GAREM1: variants seen among roughly 807,000 people sequenced by gnomAD.
The protein encoded by GAREM1 is GRB2 associated regulator of MAPK1 subtype 1, also known as GRB2-associated and regulator of MAPK protein 1.
A neutral mutation model predicts 71.3 loss-of-function variants in GAREM1; 26 were observed. That is an observed-to-expected ratio of 0.36 (90% CI 0.27 to 0.51). The LOEUF is 0.51. Ranked by LOEUF, GAREM1 falls within the 20% of genes least tolerant of loss-of-function variation. GAREM1 has a pLI of 0.95. For synonymous variants in GAREM1, 440 were observed against 433.2 expected (o/e 1.02, Z -0.20); for missense variants, 1,026 against 1,103.1 (o/e 0.93, Z 0.99).
At chr18:32,416,113 C>A (rs1451733247) in intron 1 of GAREM1, among the ~76,000 whole-genome samples, 3 of 151,948 alleles carry the variant, frequency 2.0e-5, no homozygotes, top group African/African-American at 7.2e-5. Flanking sequence ...AAAAAGCGAT[C>A]ACTTACAATA....
chr18:32,354,544 T>G (rs1458932381), intron 2 of GAREM1, among the ~76,000 whole-genome samples: 1 of 152,142 alleles, frequency 6.6e-6, no homozygotes, highest in African/African-American at 2.4e-5. Context: ...AACAACACAT[T>G]GAAGCTAGGA....
chr18:32,382,592 C>G (rs141486074), intron 2 of GAREM1, among the ~76,000 whole-genome samples: 13 of 152,230 alleles, frequency 8.5e-5, no homozygotes, highest in African/African-American at 2.9e-4. Context: ...AGAGTTTATA[C>G]TCACGTGGGA....
At chr18:32,402,586 A>C (rs955311080) in intron 1 of GAREM1, among the ~76,000 whole-genome samples, 1 of 152,054 alleles carries the variant, frequency 6.6e-6, no homozygotes, top group East Asian at 1.9e-4. Flanking sequence ...GACATTTGCC[A>C]TAACTGTAGG....
intron 1 of GAREM1, among the ~76,000 whole-genome samples, chr18:32,408,063 T>A (rs1389872370): frequency 6.6e-6 from 1 of 152,036 alleles, no homozygotes; most frequent in Admixed American, 6.6e-5. Context: ...AGATTGTAAA[T>A]TTTGAAAAAG....
At chr18:32,421,202 C>T (rs77082591) in intron 1 of GAREM1, among the ~76,000 whole-genome samples, 1,830 of 152,282 alleles carry the variant, frequency 0.012, 48 homozygotes, top group African/African-American at 0.042. Context: ...ATAATAGTGT[C>T]TACTTTGTAA....
chr18:32,337,910 C>T (rs1227902271), intron 2 of GAREM1, among the ~76,000 whole-genome samples: 1 of 152,184 alleles, frequency 6.6e-6, no homozygotes, highest in African/African-American at 2.4e-5. Context: ...TTTTGAACTT[C>T]CTTGGTTGAA....
intron 2 of GAREM1, among the ~76,000 whole-genome samples, chr18:32,331,147 A>G (rs2047531576): frequency 1.3e-5 from 2 of 152,142 alleles, no homozygotes; most frequent in South Asian, 4.1e-4. Context: ...TTTGGTGGGT[A>G]GCAACAGTTT....
intron 3 of GAREM1, among the ~76,000 whole-genome samples, chr18:32,307,022 A>C (rs1380065752): frequency 1.3e-5 from 2 of 152,236 alleles, no homozygotes; most frequent in South Asian, 2.1e-4. Flanking sequence ...TTTTTCAACA[A>C]ATGTATAAAT....
At chr18:32,322,979 G>A (rs1228273225) in intron 2 of GAREM1, among the ~76,000 whole-genome samples, 1 of 152,188 alleles carries the variant, frequency 6.6e-6, no homozygotes, top group Non-Finnish European at 1.5e-5. Flanking sequence ...GGTGTTTAGA[G>A]CAGGAGAAAT....
At chr18:32,270,460 G>A in intron 4 of GAREM1, 77 bp from the exon 5 acceptor site, 1 of 1,284,750 alleles carries the variant, frequency 7.8e-7, no homozygotes, top group Non-Finnish European at 1.1e-6. Flanking sequence ...CTGAAGACTT[G>A]CTCAAGTCAC....
In GAREM1 at chr18:32,343,733, C is replaced by T. The variant is rs74652467; in HGVS notation, c.263-33410G>A. 1.2e-3 allele frequency among the ~76,000 whole-genome samples: 190 copies of T among 152,318 alleles called. 6 individuals carry two copies. In the East Asian group the frequency reaches 0.029, roughly 23 times the overall value. On this transcript the variant is annotated intron_variant, in intron 2 of 5. Transcript: ENST00000269209. ...GTATAACATTTTACCATTTGCCTAACATGCACTTACGGCAACTTCATAGGA... is the reference window on the plus strand; with the variant it reads ...GTATAACATTTTACCATTTGCCTAATATGCACTTACGGCAACTTCATAGGA...
intron 1 of GAREM1, among the ~76,000 whole-genome samples, chr18:32,456,859 T>C (rs2048894790): frequency 6.6e-6 from 1 of 152,160 alleles, no homozygotes; most frequent in South Asian, 2.1e-4. Context: ...GCAGTTGTTA[T>C]GAATTTCAAT....
At chr18:32,379,204 G>A (rs1369239965) in intron 2 of GAREM1, among the ~76,000 whole-genome samples, 2 of 152,046 alleles carry the variant, frequency 1.3e-5, no homozygotes, top group Non-Finnish European at 2.9e-5. Flanking sequence ...TGCTCCCAGA[G>A]TACTTACTAT....
At chr18:32,349,354 G>A (rs1454144116) in intron 2 of GAREM1, among the ~76,000 whole-genome samples, 3 of 152,112 alleles carry the variant, frequency 2.0e-5, no homozygotes, top group Admixed American at 2.0e-4. Context: ...CTCTAAATAA[G>A]TTTCAAAAAC....
At chr18:32,434,138 T>C (rs1386876579) in intron 1 of GAREM1, among the ~76,000 whole-genome samples, 1 of 152,142 alleles carries the variant, frequency 6.6e-6, no homozygotes, top group African/African-American at 2.4e-5. Context: ...CAATCAGTTT[T>C]TGATAATGAA....
intron 3 of GAREM1, among the ~76,000 whole-genome samples, chr18:32,295,156 C>CA (rs1265250473): frequency 6.6e-6 from 1 of 151,974 alleles, no homozygotes; most frequent in Non-Finnish European, 1.5e-5. Context: ...CCTCTGCCTC[C>CA]CGGGTTCAAG....
intron 4 of GAREM1, among the ~76,000 whole-genome samples, chr18:32,281,806 C>T (rs1459212783): frequency 1.3e-5 from 2 of 152,122 alleles, no homozygotes; most frequent in East Asian, 1.9e-4. Flanking sequence ...GCCAAGCCAT[C>T]GCATCCCCTG....
intron 1 of GAREM1, among the ~76,000 whole-genome samples, chr18:32,403,859 A>T (rs1369702363): frequency 6.6e-6 from 1 of 152,192 alleles, no homozygotes; most frequent in Non-Finnish European, 1.5e-5. Context: ...CAACTTTTTA[A>T]TGTTTATGTA....
chr18:32,379,691 C>A (rs1355153064), intron 2 of GAREM1, among the ~76,000 whole-genome samples: 1 of 148,968 alleles, frequency 6.7e-6, no homozygotes, highest in Non-Finnish European at 1.5e-5. Context: ...GGTGACAGAA[C>A]GAGACTTGGT....
Sources: gnomAD v4.1 joint callset for allele counts (sites outside exome capture counted in the v4.1 genomes callset) on GRCh38, gnomAD v4.1.1 for gene constraint, MANE v1.5 for transcripts, NCBI Gene and HGNC (gene_info 2026-07-23, HGNC 2026-07-21) for gene names.